RAC1: variants seen among roughly 807,000 people sequenced by gnomAD.
RAC1 encodes ras-related C3 botulinum toxin substrate 1.
In RAC1, 2 loss-of-function variants were observed where a neutral mutation model predicts 25.2. That is an observed-to-expected ratio of 0.08 (90% CI 0.03 to 0.25). The LOEUF (loss-of-function observed/expected upper bound fraction) is 0.25, where lower values mean the gene tolerates loss of function less well. Among genes scored for constraint, RAC1 ranks in the 10% least tolerant of loss-of-function variants. The probability of loss-of-function intolerance (pLI) is 1.00; values close to 1 mark genes in which losing one functional copy is unlikely to be tolerated. For missense variants in RAC1, 50 were observed against 235.7 expected, an observed-to-expected ratio of 0.21 and a Z score of 5.16; for synonymous variants, 88 against 94.0, an observed-to-expected ratio of 0.94 and a Z score of 0.37.
At chr7:6,384,085 G>A (rs772551129) in intron 1 of RAC1, among the ~76,000 whole-genome samples, 7 of 151,890 alleles carry the variant, frequency 4.6e-5, no homozygotes, top group East Asian at 1.9e-4. Context: ...GTGAGCCACC[G>A]AGCCCAGCCA....
chr7:6,392,558 A>G (rs982016181), intron 3 of RAC1, among the ~76,000 whole-genome samples: 16 of 152,218 alleles, frequency 1.1e-4, no homozygotes, highest in African/African-American at 3.6e-4. Context: ...AAATGTATCC[A>G]CTGTGTCTAA....
rs1783447074 is a variant in RAC1 at position 6,402,593 on chromosome 7, A to T, written c.*147A>T. 1.3e-6 allele frequency: 1 copy of T among 750,258 alleles called. No homozygotes were observed. Among genetic ancestry groups the T allele is most frequent in the Non-Finnish European group, 1.9e-6 (1 of 536,936 alleles). 46.5% of individuals were successfully genotyped at this position (750,258 alleles called of 1,614,324 possible). A position where few individuals can be genotyped will look rare whatever the true frequency, so the allele number is the denominator to read the frequency against. ...CTTTTTGTTACAGATTAATTTTTCCATAAAACCATTTTTTGAACCAATCAG... is the reference window on the plus strand; with the variant it reads ...CTTTTTGTTACAGATTAATTTTTCCTTAAAACCATTTTTTGAACCAATCAG... On this transcript the variant is annotated 3_prime_UTR_variant, in exon 6 of 6. Coordinates refer to ENST00000348035, the MANE Select transcript of RAC1 (RefSeq NM_006908.5).
intron 1 of RAC1, among the ~76,000 whole-genome samples, chr7:6,375,299 A>C (rs991319353): frequency 2.0e-5 from 3 of 152,010 alleles, no homozygotes; most frequent in Admixed American, 1.3e-4. Context: ...TGTGTTGCCC[A>C]GGCCGGTCTC....
In RAC1 at chr7:6,402,433, G is replaced by A. The variant is rs2115218961; in HGVS notation, c.566G>A (p.Cys189Tyr). Residue 189 changes from cysteine (C) to tyrosine (Y), a missense_variant, in exon 6 of 6, where the codon TGC (cysteine) becomes TAC (tyrosine). Cys to Tyr is a radical substitution (Grantham distance 194, BLOSUM62 -2). Coordinates refer to ENST00000348035, the MANE Select transcript of RAC1 (RefSeq NM_006908.5). Reference sequence around the variant, plus strand: ...CCCGTGAAGAAGAGGAAGAGAAAATGCCTGCTGTTGTAAATGTCTCAGCCC... The same window carrying A: ...CCCGTGAAGAAGAGGAAGAGAAAATACCTGCTGTTGTAAATGTCTCAGCCC... ...PPPVKKRKRK[C>Y]LLL The A allele has an allele frequency of 6.5e-7, 1 of 1,548,846 alleles. No homozygotes were observed. The highest frequency in any genetic ancestry group is 2.7e-5 in the East Asian group (1 of 37,292).
At chr7:6,388,310 C>G (rs556749354) in intron 2 of RAC1, among the ~76,000 whole-genome samples, 1 of 150,206 alleles carries the variant, frequency 6.7e-6, no homozygotes, top group African/African-American at 2.4e-5. Context: ...TCTGAAGTGT[C>G]GTACCCATGT....
At chr7:6,375,171 G>T (rs542626765) in intron 1 of RAC1, among the ~76,000 whole-genome samples, 1 of 152,102 alleles carries the variant, frequency 6.6e-6, no homozygotes, top group South Asian at 2.1e-4. Flanking sequence ...TTTGAGAATT[G>T]GGTTGGGAAC....
At chr7:6,394,893 C>T (rs1050062673) in intron 3 of RAC1, among the ~76,000 whole-genome samples, 7 of 150,244 alleles carry the variant, frequency 4.7e-5, no homozygotes, top group Admixed American at 2.0e-4. Flanking sequence ...CTTGCTCTGT[C>T]GCCCAGGCTG....
chr7:6,376,636 G>C (rs1417831266), intron 1 of RAC1, among the ~76,000 whole-genome samples: 1 of 149,794 alleles, frequency 6.7e-6, no homozygotes, highest in Non-Finnish European at 1.5e-5. Context: ...CAAGTAGCTG[G>C]GATTACAGGC....
At chr7:6,382,020 G>A (rs922801456) in intron 1 of RAC1, among the ~76,000 whole-genome samples, 6 of 151,890 alleles carry the variant, frequency 4.0e-5, no homozygotes, top group African/African-American at 1.2e-4. Context: ...GAGTCAGAGA[G>A]TCTCGCTCTG....
Position 6,393,708 on chromosome 7 carries a change from GGGACAT to G in RAC1, c.225+1670_225+1675del, listed in dbSNP as rs1343869797. The stretch of plus-strand genomic sequence containing the variant: ...AATATTTGAGGAGCAAGGAGGGAGT[GGGACAT>G]GGTTCTTGCCCTCAGGTAGTTCACA... On this transcript the variant is annotated intron_variant, in intron 3 of 5. Coordinates refer to ENST00000348035, the MANE Select transcript of RAC1 (RefSeq NM_006908.5). Among the ~76,000 whole-genome samples, 4 of 152,252 alleles carry G rather than the reference GGGACAT, an allele frequency of 2.6e-5. No homozygotes were observed. In the East Asian group the frequency reaches 7.7e-4, roughly 29 times the overall value.
chr7:6,378,831 T>A lies in RAC1; in HGVS notation c.35+4061T>A, dbSNP rs113466185. Among the ~76,000 whole-genome samples, 246 of 152,276 alleles carry A rather than the reference T, an allele frequency of 1.6e-3. 1 individual carries two copies. Among genetic ancestry groups the A allele is most frequent in the African/African-American group, 5.7e-3 (237 of 41,568 alleles). On this transcript the variant is annotated intron_variant, in intron 1 of 5. Coordinates refer to ENST00000348035, the MANE Select transcript of RAC1 (RefSeq NM_006908.5). ...ACCCGGGCGCGATGGCTCATGCCTG[T>A]AATCCCAGAACTTTGGGAGGCCAAG...
intron 1 of RAC1, among the ~76,000 whole-genome samples, chr7:6,384,083 C>T (rs1782854861): frequency 6.6e-6 from 1 of 152,028 alleles, no homozygotes; most frequent in Non-Finnish European, 1.5e-5. Context: ...GTGTGAGCCA[C>T]CGAGCCCAGC....
At chr7:6,391,208 A>G (rs1278819342) in intron 2 of RAC1, among the ~76,000 whole-genome samples, 1 of 149,430 alleles carries the variant, frequency 6.7e-6, no homozygotes, top group East Asian at 2.0e-4. Context: ...TCTGCTTTTT[A>G]TTATATTTTT....
chr7:6,384,873 T>A (rs1300263442), intron 1 of RAC1, among the ~76,000 whole-genome samples: 1 of 152,168 alleles, frequency 6.6e-6, no homozygotes, highest in African/African-American at 2.4e-5. Context: ...GCAATCTTGT[T>A]TCACTGCAGC....
At position 6,376,709 on chromosome 7, in the gene RAC1, C is replaced by T. The variant is rs186977854; in HGVS notation, c.35+1939C>T. Among the ~76,000 whole-genome samples the T allele has an allele frequency of 4.4e-5, 6 of 134,860 alleles. No homozygotes were observed. In the East Asian group the frequency reaches 1.2e-3, roughly 28 times the overall value. 88.5% of individuals were successfully genotyped at this position (134,860 alleles called of 152,430 possible). A position where few individuals can be genotyped will look rare whatever the true frequency, so the allele number is the denominator to read the frequency against. On this transcript the variant is annotated intron_variant, in intron 1 of 5. Coordinates refer to ENST00000348035, the MANE Select transcript of RAC1 (RefSeq NM_006908.5). Reference sequence around the variant, plus strand: ...TTTTTTTGTATTTTTTTGGTGGAGACGGAGTTTCACCATGTTGGTGAGGCT... The same window carrying T: ...TTTTTTTGTATTTTTTTGGTGGAGATGGAGTTTCACCATGTTGGTGAGGCT...
chr7:6,387,175 A>G (rs1481859353), intron 1 of RAC1, 37 bp from the exon 2 acceptor site: 3 of 1,333,520 alleles, frequency 2.2e-6, no homozygotes, highest in East Asian at 4.8e-5. Context: ...GATTACATTC[A>G]TGTTGACTAA....
intron 1 of RAC1, among the ~76,000 whole-genome samples, chr7:6,375,127 C>CG (rs1381567349): frequency 1.4e-5 from 2 of 142,824 alleles, no homozygotes; most frequent in Non-Finnish European, 3.2e-5. Context: ...AAAAGGGACC[C>CG]TTTATTTTTT....
intron 1 of RAC1, among the ~76,000 whole-genome samples, chr7:6,384,558 G>C (rs923941493): frequency 2.6e-5 from 4 of 152,100 alleles, no homozygotes; most frequent in Non-Finnish European, 4.4e-5. Flanking sequence ...GCTCACTGCT[G>C]CCCTGAATTC....
intron 1 of RAC1, among the ~76,000 whole-genome samples, chr7:6,378,093 T>C (rs1040489160): frequency 3.3e-5 from 5 of 152,140 alleles, no homozygotes; most frequent in African/African-American, 9.7e-5. Flanking sequence ...TTCTGTCTTA[T>C]CATTTCTAGA....
Sources: gnomAD v4.1 joint callset for allele counts (sites outside exome capture counted in the v4.1 genomes callset) on GRCh38, gnomAD v4.1.1 for gene constraint, MANE v1.5 for transcripts, NCBI Gene and HGNC (gene_info 2026-07-23, HGNC 2026-07-21) for gene names.